Variants in FAM78B observed in about 807,000 individuals in gnomAD.
FAM78B encodes the protein protein FAM78B.
FAM78B carries 10 observed loss-of-function variants against 20.0 expected under a neutral mutation model. That is an observed-to-expected ratio of 0.50 (90% confidence interval 0.31 to 0.85). The LOEUF (loss-of-function observed/expected upper bound fraction) is 0.85. Among genes scored for constraint, FAM78B ranks in the 40% least tolerant of loss-of-function variants. FAM78B has a pLI of 0.05. For synonymous variants in FAM78B, 135 were observed against 132.8 expected (o/e 1.02, Z -0.12); for missense variants, 283 against 345.0 (o/e 0.82, Z 1.42).
intron 1 of FAM78B, among the ~76,000 whole-genome samples, chr1:166,143,032 C>T (rs1655334571): frequency 1.3e-5 from 2 of 152,176 alleles, no homozygotes; most frequent in South Asian, 4.1e-4. Flanking sequence ...GGGTTCAAAT[C>T]TCAGCTCTTA....
At chr1:166,162,788 T>A (rs1230438746) in intron 1 of FAM78B, among the ~76,000 whole-genome samples, 1 of 152,082 alleles carries the variant, frequency 6.6e-6, no homozygotes, top group African/African-American at 2.4e-5. Flanking sequence ...CTCCTACTGT[T>A]CTCCTTCTTG....
At chr1:166,102,934 C>A (rs896305828) in intron 1 of FAM78B, among the ~76,000 whole-genome samples, 1 of 152,154 alleles carries the variant, frequency 6.6e-6, no homozygotes, top group Admixed American at 6.5e-5. Flanking sequence ...CACACCTATT[C>A]CAAAATTGAC....
chr1:166,109,719 T>C (rs949312326), intron 1 of FAM78B, among the ~76,000 whole-genome samples: 3 of 148,236 alleles, frequency 2.0e-5, no homozygotes, highest in Admixed American at 1.4e-4. Flanking sequence ...CGCATGTTTA[T>C]AGCAGCACAA....
chr1:166,062,728 G>A (rs1455265428), intron 2 of FAM78B, among the ~76,000 whole-genome samples: 1 of 152,230 alleles, frequency 6.6e-6, no homozygotes, highest in Non-Finnish European at 1.5e-5. Flanking sequence ...AGGGAGTGAA[G>A]TGGGAAATAA....
At chr1:166,156,236 T>C (rs977909738) in intron 1 of FAM78B, among the ~76,000 whole-genome samples, 1 of 152,238 alleles carries the variant, frequency 6.6e-6, no homozygotes, top group African/African-American at 2.4e-5. Flanking sequence ...ATTTATCTTG[T>C]TTTAATCTGA....
intron 1 of FAM78B, among the ~76,000 whole-genome samples, chr1:166,102,067 G>A (rs1378246301): frequency 6.6e-6 from 1 of 152,084 alleles, no homozygotes; most frequent in Non-Finnish European, 1.5e-5. Context: ...ACATTCTTAA[G>A]GAAAATAATT....
rs541025979 is a variant in FAM78B, at chr1:166,147,035, G to C, written c.263+18951C>G. Among the ~76,000 whole-genome samples, 7 of 152,268 alleles carry C rather than the reference G, an allele frequency of 4.6e-5. No homozygotes were observed. In the East Asian group the frequency reaches 1.4e-3, roughly 29 times the overall value. ...ACCTCATCCCAGAGCTTTGAGTTCT[G>C]GGTCTGGTACTCACTTGACTGGAGT... On this transcript the variant is annotated intron_variant, in intron 1 of 1. Transcript: ENST00000354422.
chr1:166,094,106 G>A (rs371607439), intron 1 of FAM78B, among the ~76,000 whole-genome samples: 10 of 151,632 alleles, frequency 6.6e-5, no homozygotes, highest in South Asian at 4.2e-4. Context: ...GAAGCAGGAC[G>A]TTGGGATGCA....
chr1:166,081,397 C>T (rs1571143196), intron 1 of FAM78B: 1 of 152,192 alleles, frequency 6.6e-6, no homozygotes, highest in African/African-American at 2.4e-5. Flanking sequence ...TTTGACAGCC[C>T]TGAGGTCTGG....
intron 1 of FAM78B, among the ~76,000 whole-genome samples, chr1:166,088,546 A>G (rs1464367190): frequency 6.6e-6 from 1 of 152,126 alleles, no homozygotes; most frequent in Non-Finnish European, 1.5e-5. Context: ...ATGGGATAAT[A>G]ATGCCTTCTT....
intron 1 of FAM78B, among the ~76,000 whole-genome samples, chr1:166,108,264 G>C (rs1653865696): frequency 6.6e-6 from 1 of 152,082 alleles, no homozygotes; most frequent in Admixed American, 6.6e-5. Context: ...CCTCCAGAAA[G>C]CTCCTAGAAC....
chr1:166,068,645 A>G (rs1651893403), downstream of FAM78B, among the ~76,000 whole-genome samples: 1 of 152,204 alleles, frequency 6.6e-6, no homozygotes, highest in Non-Finnish European at 1.5e-5. Context: ...AGCTCTTTGG[A>G]GCCAACCATG....
chr1:166,109,850 A>ATG lies in FAM78B; in HGVS notation c.264-39088_264-39087insCA, dbSNP rs1309748110. 1.0e-3 allele frequency among the ~76,000 whole-genome samples: 20 copies of ATG among 19,052 alleles called. 1 individual carries two copies. The highest frequency in any genetic ancestry group is 2.3e-3 in the African/African-American group (17 of 7,246). 12.5% of individuals were successfully genotyped at this position (19,052 alleles called of 152,430 possible). A position where few individuals can be genotyped will look rare whatever the true frequency, so the allele number is the denominator to read the frequency against. On this transcript the variant is annotated intron_variant, in intron 1 of 1. Coordinates refer to ENST00000354422, the MANE Select transcript of FAM78B (RefSeq NM_001017961.5). ...TATATATGTATATATGTATATATAT[A>ATG]TATATATATATGTATGTGTATATAT... is the stretch of plus-strand genomic sequence containing the variant.
At chr1:166,100,413 T>C (rs6664520) in intron 1 of FAM78B, among the ~76,000 whole-genome samples, 25,573 of 152,144 alleles carry the variant, frequency 0.17, 2,305 homozygotes, top group East Asian at 0.27. Flanking sequence ...ACCCAGGAAG[T>C]GCAAGGGGTC....
intron 1 of FAM78B, among the ~76,000 whole-genome samples, chr1:166,085,410 T>G (rs1414723866): frequency 6.6e-6 from 1 of 152,118 alleles, no homozygotes; most frequent in Non-Finnish European, 1.5e-5. Context: ...GAACTCAAGA[T>G]CTCTTCAGAT....
intron 1 of FAM78B, among the ~76,000 whole-genome samples, chr1:166,086,892 T>C (rs1652852810): frequency 6.6e-6 from 1 of 152,122 alleles, no homozygotes; most frequent in Non-Finnish European, 1.5e-5. Flanking sequence ...GCAGAGAGAC[T>C]GCAAAATTTC....
chr1:166,078,968 G>A (rs1652454880), intron 1 of FAM78B, among the ~76,000 whole-genome samples: 1 of 144,348 alleles, frequency 6.9e-6, no homozygotes, highest in Non-Finnish European at 1.5e-5. Context: ...GTCTCACTCT[G>A]TCACCCAGGC....
At chr1:166,165,963 G>T (rs1470797449) in intron 1 of FAM78B, 23 bp downstream of exon 1, 2 of 1,613,252 alleles carry the variant, frequency 1.2e-6, no homozygotes, top group Non-Finnish European at 8.5e-7. Flanking sequence ...GTCCGCTCCC[G>T]TGCCGCGCGG....
chr1:166,116,954 T>C (rs192019414), intron 1 of FAM78B, among the ~76,000 whole-genome samples: 66 of 152,370 alleles, frequency 4.3e-4, no homozygotes, highest in Non-Finnish European at 7.9e-4. Context: ...CTGTCTTGGC[T>C]AAGGGGTCAC....
Sources: allele counts gnomAD v4.1 joint callset (sites outside exome capture counted in the v4.1 genomes callset), GRCh38; gene constraint gnomAD v4.1.1; transcripts MANE v1.5; gene names NCBI Gene and HGNC (gene_info 2026-07-23, HGNC 2026-07-21).